ADAMTSL3: variants seen among roughly 807,000 people sequenced by gnomAD.
ADAMTSL3 encodes ADAMTS-like protein 3.
ADAMTSL3 carries 128 observed loss-of-function variants against 201.7 expected under a neutral mutation model. That is an observed-to-expected ratio of 0.63 (90% CI 0.55 to 0.73). ADAMTSL3 has a LOEUF of 0.73. ADAMTSL3 is among the 30% of genes least tolerant of loss of function. ADAMTSL3 has a pLI of 0.00. For missense variants in ADAMTSL3, 1,990 were observed against 2,119.6 expected (o/e 0.94, Z 1.20); for synonymous variants, 738 against 748.4 (o/e 0.99, Z 0.23).
chr15:83,709,580 A>G (rs1208891710), intron 3 of ADAMTSL3, among the ~76,000 whole-genome samples: 1 of 152,114 alleles, frequency 6.6e-6, no homozygotes, highest in African/African-American at 2.4e-5. Context: ...CTCTGCCTAG[A>G]TCACCTTCTG....
Position 83,796,258 on chromosome 15 carries a change from C to G in ADAMTSL3, c.318-8392C>G, listed in dbSNP as rs527566243. On this transcript the variant is annotated intron_variant, in intron 4 of 29. Coordinates refer to ENST00000286744, the MANE Select transcript of ADAMTSL3 (RefSeq NM_207517.3). ...GATAACTCTCATTATTCAGAGACTA[C>G]TAAATTGTGCAGATAGAAAAATCCA... 6.7e-4 allele frequency among the ~76,000 whole-genome samples: 102 copies of G among 152,084 alleles called. 1 individual carries two copies. Among genetic ancestry groups the G allele is most frequent in the Non-Finnish European group, 1.1e-3 (75 of 68,006 alleles).
intron 7 of ADAMTSL3, among the ~76,000 whole-genome samples, chr15:83,847,325 C>T (rs981804664): frequency 6.6e-6 from 1 of 152,146 alleles, no homozygotes; most frequent in African/African-American, 2.4e-5. Context: ...AGTGTATAGA[C>T]AGTCCTCCAG....
chr15:83,756,070 C>G (rs2062715215), intron 3 of ADAMTSL3, among the ~76,000 whole-genome samples: 1 of 152,284 alleles, frequency 6.6e-6, no homozygotes, highest in South Asian at 2.1e-4. Flanking sequence ...CCCCTGCTTT[C>G]AATACTTTTG....
intron 3 of ADAMTSL3, among the ~76,000 whole-genome samples, chr15:83,739,364 T>C (rs2062418389): frequency 1.3e-5 from 2 of 150,970 alleles, no homozygotes; most frequent in South Asian, 4.4e-4. Context: ...AAACTTTTTG[T>C]ACATTGACAT....
chr15:83,864,227 A>G (rs2064927725), intron 8 of ADAMTSL3, among the ~76,000 whole-genome samples: 1 of 152,188 alleles, frequency 6.6e-6, no homozygotes, highest in Non-Finnish European at 1.5e-5. Context: ...TATTCCAATC[A>G]ATAGAAAAAG....
chr15:83,871,779 G>A (rs984763457), intron 9 of ADAMTSL3, among the ~76,000 whole-genome samples: 1 of 152,120 alleles, frequency 6.6e-6, no homozygotes, highest in Non-Finnish European at 1.5e-5. Flanking sequence ...ATTTGAAAAT[G>A]CCTAAGAAAT....
chr15:83,945,021 C>T (rs1200323133), intron 19 of ADAMTSL3, among the ~76,000 whole-genome samples: 1 of 152,166 alleles, frequency 6.6e-6, no homozygotes, highest in Non-Finnish European at 1.5e-5. Flanking sequence ...TATTTTAAAA[C>T]TGTCTTAACT....
At chr15:83,762,338 C>T (rs1250677051) in intron 3 of ADAMTSL3, among the ~76,000 whole-genome samples, 15 of 152,172 alleles carry the variant, frequency 9.9e-5, no homozygotes, top group Admixed American at 8.5e-4. Context: ...CTTCTGTGGA[C>T]ACACTCTGAT....
At chr15:83,860,327 A>C (rs2064828417) in intron 8 of ADAMTSL3, among the ~76,000 whole-genome samples, 1 of 152,212 alleles carries the variant, frequency 6.6e-6, no homozygotes, top group Non-Finnish European at 1.5e-5. Context: ...ATCAGTGAAT[A>C]TGGCCGATCA....
intron 4 of ADAMTSL3, among the ~76,000 whole-genome samples, chr15:83,799,069 A>G (rs565737446): frequency 4.2e-4 from 64 of 152,272 alleles, no homozygotes; most frequent in African/African-American, 1.5e-3. Flanking sequence ...AAGGAAACCT[A>G]CTTCCCTTGG....
rs962521303 is a variant in ADAMTSL3 at position 83,673,726 on chromosome 15, C to G, written c.69+17896C>G. ...GGAAGTACTCACTGACCTCAGAGCT[C>G]TGTTTTGTAACATAGGATTAGCACA... On this transcript the variant is annotated intron_variant, in intron 2 of 29. Transcript: ENST00000286744. Among the ~76,000 whole-genome samples, 3 of 152,202 alleles carry G rather than the reference C, an allele frequency of 2.0e-5. No homozygotes were observed. In the East Asian group the frequency reaches 5.8e-4, roughly 29 times the overall value.
chr15:83,862,100 C>T (rs1567196840), intron 8 of ADAMTSL3: 2 of 152,066 alleles, frequency 1.3e-5, no homozygotes, highest in African/African-American at 4.8e-5. Flanking sequence ...ACAAAGCATC[C>T]AAGAAATATG....
chr15:83,980,099 C>T (rs958403034), intron 20 of ADAMTSL3, among the ~76,000 whole-genome samples: 1 of 152,102 alleles, frequency 6.6e-6, no homozygotes, highest in Admixed American at 6.5e-5. Flanking sequence ...TTTTTTAGAG[C>T]ATCTGTGGTC....
intron 25 of ADAMTSL3, among the ~76,000 whole-genome samples, chr15:84,020,108 G>T (rs902987228): frequency 6.6e-6 from 1 of 152,086 alleles, no homozygotes; most frequent in Non-Finnish European, 1.5e-5. Context: ...GTGAAACCTT[G>T]TAAAACTGCA....
At chr15:83,925,218 C>T (rs1029181129) in intron 17 of ADAMTSL3, among the ~76,000 whole-genome samples, 1 of 152,152 alleles carries the variant, frequency 6.6e-6, no homozygotes, top group African/African-American at 2.4e-5. Context: ...GAGTCTTGTT[C>T]TCCAGCCCGC....
chr15:83,695,252 G>GTT (rs2061671211), intron 2 of ADAMTSL3, among the ~76,000 whole-genome samples: 3 of 41,596 alleles, frequency 7.2e-5, no homozygotes, highest in African/African-American at 2.9e-4. Context: ...GTGTGTGTGT[G>GTT]TGTGTGTGTG....
At chr15:83,749,862 G>C (rs1330144810) in intron 3 of ADAMTSL3, among the ~76,000 whole-genome samples, 1 of 152,218 alleles carries the variant, frequency 6.6e-6, no homozygotes, top group Non-Finnish European at 1.5e-5. Context: ...TGACTTGACT[G>C]TGTAGGTCTT....
chr15:83,978,423 G>A (rs1250611930), intron 20 of ADAMTSL3, among the ~76,000 whole-genome samples: 1 of 152,204 alleles, frequency 6.6e-6, no homozygotes, highest in African/African-American at 2.4e-5. Flanking sequence ...CTCTTGCACA[G>A]CCCAGCAGCC....
At chr15:83,790,569 C>G (rs1450637449) in intron 4 of ADAMTSL3, among the ~76,000 whole-genome samples, 1 of 151,906 alleles carries the variant, frequency 6.6e-6, no homozygotes, top group Admixed American at 6.6e-5. Context: ...AAACAGATAT[C>G]AGCTTGATAA....
Sources: gnomAD v4.1 joint callset for allele counts (sites outside exome capture counted in the v4.1 genomes callset) on GRCh38, gnomAD v4.1.1 for gene constraint, MANE v1.5 for transcripts, NCBI Gene and HGNC (gene_info 2026-07-23, HGNC 2026-07-21) for gene names.